Variants in KLHL13 observed in about 807,000 individuals in gnomAD.
KLHL13 encodes kelch like family member 13.
A neutral mutation model predicts 37.1 loss-of-function variants in KLHL13; 10 were observed. The observed-to-expected ratio is 0.27, with a 90% CI of 0.17 to 0.46. The LOEUF is 0.46. Among genes scored for constraint, KLHL13 ranks in the 20% least tolerant of loss-of-function variants. KLHL13 has a pLI of 1.00. For synonymous variants in KLHL13, 163 were observed against 181.2 expected (o/e 0.90, Z 0.81); for missense variants, 360 against 509.3 (o/e 0.71, Z 2.82).
intron 4 of KLHL13, among the ~76,000 whole-genome samples, chrX:117,914,735 G>A: frequency 8.9e-6 from 1 of 111,943 alleles, no homozygotes; most frequent in Non-Finnish European, 1.9e-5. Context: ...AATGCCACTG[G>A]TGTCTCCAGC....
At chrX:118,117,234 G>T (rs1376658516), upstream of KLHL13, 6 of 112,507 alleles carry the variant, frequency 5.3e-5, no homozygotes, top group African/African-American at 1.9e-4. Context: ...AGTCACGGCG[G>T]GGCCCGAGCA....
chrX:118,030,365 T>C (rs1344954836), intron 1 of KLHL13, among the ~76,000 whole-genome samples: 7 of 112,166 alleles, frequency 6.2e-5, no homozygotes, highest in African/African-American at 1.3e-4. Flanking sequence ...GTTTAGACTA[T>C]ACAATTATTT....
intron 1 of KLHL13, among the ~76,000 whole-genome samples, chrX:118,005,996 T>C (rs963560645): frequency 3.0e-4 from 34 of 112,188 alleles, no homozygotes; most frequent in African/African-American, 9.4e-4. Flanking sequence ...TGGATGTAGA[T>C]GTGTCATTAA....
chrX:117,914,189 T>C (rs889534400), intron 4 of KLHL13: 1 of 109,978 alleles, frequency 9.1e-6, no homozygotes, highest in Non-Finnish European at 1.9e-5. Context: ...ATTGGTGTTT[T>C]ATACAAAGAA....
chrX:118,007,842 C>A (rs1283535879), intron 1 of KLHL13, among the ~76,000 whole-genome samples: 2 of 111,299 alleles, frequency 1.8e-5, no homozygotes, highest in Non-Finnish European at 3.8e-5. Context: ...TTTAAATTGC[C>A]ATAGCTATTA....
chrX:118,104,126 G>A (rs1173606780), intron 1 of KLHL13, among the ~76,000 whole-genome samples: 3 of 108,272 alleles, frequency 2.8e-5, no homozygotes, highest in African/African-American at 1.0e-4. Flanking sequence ...GGAGGTTGAG[G>A]TGGAAGAAAC....
chrX:117,962,618 G>A (rs756997113), intron 1 of KLHL13, among the ~76,000 whole-genome samples: 50 of 111,958 alleles, frequency 4.5e-4, no homozygotes, highest in African/African-American at 1.4e-3. Context: ...TTGACAGTAA[G>A]CAAGTAAAGC....
intron 1 of KLHL13, among the ~76,000 whole-genome samples, chrX:118,012,216 T>C (rs187230761): frequency 8.9e-6 from 1 of 112,119 alleles, no homozygotes; most frequent in African/African-American, 3.2e-5. Context: ...AGGAAGCCTT[T>C]GTGCCAGACT....
At chrX:117,999,824 G>GA (rs1338291494) in intron 1 of KLHL13, among the ~76,000 whole-genome samples, 2 of 111,591 alleles carry the variant, frequency 1.8e-5, no homozygotes, top group Admixed American at 9.5e-5. Flanking sequence ...CTGGCACATA[G>GA]AACGGAGAAA....
Position 117,930,974 on chromosome X carries a change from T to C in KLHL13, c.241-10604A>G, listed in dbSNP as rs185458404. On this transcript the variant is annotated intron_variant, in intron 2 of 6. Transcript: ENST00000262820. ...AAAGTTGTTTATTTTATGATCATAA[T>C]GTTGAGAAAAAAGGATATACTTCAT... 7.1e-5 allele frequency among the ~76,000 whole-genome samples: 8 copies of C among 112,097 alleles called. No homozygotes were observed. In the Admixed American group the frequency reaches 7.6e-4, roughly 11 times the overall value.
At chrX:118,000,297 G>A (rs1285670180) in intron 1 of KLHL13, among the ~76,000 whole-genome samples, 1 of 112,036 alleles carries the variant, frequency 8.9e-6, no homozygotes, top group Non-Finnish European at 1.9e-5. Flanking sequence ...GATTCAGGCT[G>A]CAACCTTCTC....
chrX:117,914,736 T>A (rs1433376871), intron 4 of KLHL13, among the ~76,000 whole-genome samples: 1 of 112,302 alleles, frequency 8.9e-6, no homozygotes, highest in Non-Finnish European at 1.9e-5. Flanking sequence ...ATGCCACTGG[T>A]GTCTCCAGCC....
chrX:117,998,073 T>C (rs1029635925), intron 1 of KLHL13, among the ~76,000 whole-genome samples: 2 of 110,500 alleles, frequency 1.8e-5, no homozygotes, highest in African/African-American at 6.6e-5. Context: ...AAACTAAGTG[T>C]ATGAAGGCAA....
chrX:117,908,616 T>C (rs1169055126), intron 5 of KLHL13, among the ~76,000 whole-genome samples: 2 of 111,982 alleles, frequency 1.8e-5, no homozygotes, highest in East Asian at 5.6e-4. Context: ...TGGGTTAATT[T>C]ACATAGCCAA....
chrX:118,051,232 G>A (rs2054609531), intron 1 of KLHL13, among the ~76,000 whole-genome samples: 1 of 110,362 alleles, frequency 9.1e-6, no homozygotes, highest in Non-Finnish European at 1.9e-5. Flanking sequence ...AAAGATGTAT[G>A]AAAGACATAT....
At chrX:118,106,003 G>A (rs1022705033) in intron 1 of KLHL13, among the ~76,000 whole-genome samples, 21 of 96,108 alleles carry the variant, frequency 2.2e-4, no homozygotes, top group African/African-American at 7.5e-4. Context: ...CCAGGTTCAC[G>A]CCATTCTCCT....
chrX:118,089,015 G>T (rs1272029422), intron 1 of KLHL13, among the ~76,000 whole-genome samples: 1 of 111,404 alleles, frequency 9.0e-6, no homozygotes, highest in African/African-American at 3.3e-5. Context: ...AGAAAAGTCT[G>T]CTCTCTCTAG....
intron 1 of KLHL13, among the ~76,000 whole-genome samples, chrX:117,981,726 G>C (rs1288908454): frequency 9.0e-6 from 1 of 110,941 alleles, no homozygotes; most frequent in African/African-American, 3.3e-5. Context: ...TATGTTTAGG[G>C]GTTTCTAGAA....
intron 2 of KLHL13, among the ~76,000 whole-genome samples, chrX:117,929,112 C>A (rs1045795751): frequency 8.9e-6 from 1 of 112,217 alleles, no homozygotes; most frequent in Non-Finnish European, 1.9e-5. Context: ...GTGAAAGACA[C>A]AAGCTACTAA....
Sources: gnomAD v4.1 joint callset for allele counts (sites outside exome capture counted in the v4.1 genomes callset) on GRCh38, gnomAD v4.1.1 for gene constraint, MANE v1.5 for transcripts, NCBI Gene and HGNC (gene_info 2026-07-23, HGNC 2026-07-21) for gene names.